The following FRMD4A variants were observed in gnomAD, a reference collection of about 807,000 sequenced individuals.
FRMD4A encodes FERM domain containing 4A.
In FRMD4A, 29 loss-of-function variants were observed where a neutral mutation model predicts 129.1. The ratio of observed to expected loss-of-function variants is 0.22; its 90% CI spans 0.17 to 0.31. The LOEUF (loss-of-function observed/expected upper bound fraction) is 0.31. Among genes scored for constraint, FRMD4A ranks in the 10% least tolerant of loss-of-function variants. The probability of loss-of-function intolerance (pLI) is 1.00; values close to 1 mark genes in which losing one functional copy is unlikely to be tolerated. For missense variants in FRMD4A, 1,272 were observed against 1,375.8 expected (o/e 0.92, Z 1.19); for synonymous variants, 634 against 571.6 (o/e 1.11, Z -1.56).
chr10:13,668,622 T>G (rs1466088821), intron 17 of FRMD4A, among the ~76,000 whole-genome samples: 1 of 152,094 alleles, frequency 6.6e-6, no homozygotes, highest in Non-Finnish European at 1.5e-5. Flanking sequence ...AGGAAGCACA[T>G]GGCTAGGGCA....
intron 2 of FRMD4A, among the ~76,000 whole-genome samples, chr10:14,023,629 G>A (rs1468193461): frequency 6.6e-6 from 1 of 152,180 alleles, no homozygotes; most frequent in East Asian, 1.9e-4. Context: ...GAACAGACCC[G>A]TGGCCAACAG....
intron 2 of FRMD4A, among the ~76,000 whole-genome samples, chr10:14,173,157 C>G (rs555948005): frequency 6.6e-6 from 1 of 152,102 alleles, no homozygotes; most frequent in African/African-American, 2.4e-5. Context: ...GATCTATTTG[C>G]CCCTTGATTT....
intron 2 of FRMD4A, among the ~76,000 whole-genome samples, chr10:14,238,330 T>C (rs1843905501): frequency 6.6e-6 from 1 of 152,200 alleles, no homozygotes; most frequent in Non-Finnish European, 1.5e-5. Flanking sequence ...GTCCAGGTAA[T>C]GAGTCCAGGC....
chr10:14,256,958 G>C (rs1844635250), intron 2 of FRMD4A, among the ~76,000 whole-genome samples: 1 of 152,048 alleles, frequency 6.6e-6, no homozygotes, highest in Non-Finnish European at 1.5e-5. Context: ...GAGAAGAAAG[G>C]GATATTGTTT....
chr10:13,935,446 CAAAAAAAAAAAAAAAA>C (rs71388135), intron 2 of FRMD4A, among the ~76,000 whole-genome samples: 1 of 36,404 alleles, frequency 2.7e-5, no homozygotes, highest in Non-Finnish European at 4.6e-5. Context: ...AACTCCATCT[CAAAAAAAAAAAAAAAA>C]AAAAAAAAAA....
chr10:14,161,589 C>A (rs1222757042), intron 2 of FRMD4A, among the ~76,000 whole-genome samples: 2 of 152,104 alleles, frequency 1.3e-5, no homozygotes, highest in Admixed American at 6.6e-5. Flanking sequence ...CATATTCTCA[C>A]TCATATGTGG....
At chr10:14,072,345 A>G (rs1009188650) in intron 2 of FRMD4A, among the ~76,000 whole-genome samples, 11 of 152,244 alleles carry the variant, frequency 7.2e-5, no homozygotes, top group African/African-American at 2.7e-4. Context: ...ATTAAGAAGA[A>G]AAAGCCAAAA....
At chr10:13,902,297 T>C (rs935648874) in intron 2 of FRMD4A, among the ~76,000 whole-genome samples, 21 of 152,282 alleles carry the variant, frequency 1.4e-4, no homozygotes, top group African/African-American at 4.8e-4. Context: ...ATTACAGGCA[T>C]GAGCCAGTGT....
At chr10:13,707,525 C>T in intron 12 of FRMD4A, 2 of 1,004,582 alleles carry the variant, frequency 2.0e-6, no homozygotes, top group Non-Finnish European at 2.4e-6. Context: ...GAGGAGCGAG[C>T]GCTCAGGAGG....
At chr10:13,731,792 T>A (rs2090340108) in intron 12 of FRMD4A, among the ~76,000 whole-genome samples, 1 of 152,178 alleles carries the variant, frequency 6.6e-6, no homozygotes, top group African/African-American at 2.4e-5. Context: ...TGATTTTTCT[T>A]AGTCTTGTTT....
rs112562695 is a variant in FRMD4A at position 14,262,781 on chromosome 10, C to T, written c.45+67277G>A. Among the ~76,000 whole-genome samples, 571 of 152,274 alleles carry T rather than the reference C, an allele frequency of 3.7e-3. 5 individuals carry two copies. The highest frequency in any genetic ancestry group is 0.012 in the African/African-American group (495 of 41,554). On this transcript the variant is annotated intron_variant, in intron 2 of 24. Coordinates refer to ENST00000357447, the MANE Select transcript of FRMD4A (RefSeq NM_018027.5). ...GACCTGAGAGTGGTCATCTTGGGGG[C>T]CTCAGACCACCATGCTGGTTCATGA... is the stretch of plus-strand genomic sequence containing the variant.
At chr10:13,796,687 T>C (rs1182551272) in intron 4 of FRMD4A, 99 bp from the exon 5 acceptor site, 3 of 679,594 alleles carry the variant, frequency 4.4e-6, no homozygotes, top group Non-Finnish European at 8.0e-6. Flanking sequence ...GGATCGTAGA[T>C]AAATTTGAAC....
intron 2 of FRMD4A, among the ~76,000 whole-genome samples, chr10:14,039,390 C>T (rs1037705344): frequency 7.3e-6 from 1 of 136,998 alleles, no homozygotes; most frequent in Non-Finnish European, 1.6e-5. Flanking sequence ...ATCCATCCAT[C>T]CATCCATCCA....
At chr10:14,270,285 G>A (rs530793776) in intron 2 of FRMD4A, among the ~76,000 whole-genome samples, 10 of 152,216 alleles carry the variant, frequency 6.6e-5, no homozygotes, top group Admixed American at 1.3e-4. Flanking sequence ...ATTCCTTCTC[G>A]TCTCTCTCCC....
At chr10:14,057,185 T>C (rs111924784) in intron 2 of FRMD4A, among the ~76,000 whole-genome samples, 45 of 152,354 alleles carry the variant, frequency 3.0e-4, no homozygotes, top group African/African-American at 1.1e-3. Flanking sequence ...ATTGTCAATA[T>C]AGTTCCTAGG....
chr10:14,177,043 T>C (rs527798077), intron 2 of FRMD4A, among the ~76,000 whole-genome samples: 57 of 152,222 alleles, frequency 3.7e-4, no homozygotes, highest in South Asian at 8.3e-4. Context: ...ATCCATTATT[T>C]GCTTTTTTAC....
intron 13 of FRMD4A, among the ~76,000 whole-genome samples, chr10:13,703,544 T>G (rs7904656): frequency 6.6e-6 from 1 of 152,108 alleles, no homozygotes; most frequent in African/African-American, 2.4e-5. Flanking sequence ...GTATCTGGCG[T>G]TGCCCATCCT....
chr10:13,703,921 C>T (rs1220512739), intron 13 of FRMD4A, among the ~76,000 whole-genome samples: 3 of 152,160 alleles, frequency 2.0e-5, no homozygotes, highest in African/African-American at 4.8e-5. Context: ...AGGAGAATTG[C>T]TTGAACCTGG....
chr10:13,892,833 G>A (rs984885670), intron 2 of FRMD4A, among the ~76,000 whole-genome samples: 9 of 152,220 alleles, frequency 5.9e-5, no homozygotes, highest in Admixed American at 3.3e-4. Flanking sequence ...GTAATAAAAA[G>A]AAATCACTCA....
Sources: gnomAD v4.1 joint callset for allele counts (sites outside exome capture counted in the v4.1 genomes callset) on GRCh38, gnomAD v4.1.1 for gene constraint, MANE v1.5 for transcripts, NCBI Gene and HGNC (gene_info 2026-07-23, HGNC 2026-07-21) for gene names.